Variants in TRHDE observed in about 807,000 individuals in gnomAD.
TRHDE encodes thyrotropin releasing hormone degrading enzyme, also known as thyrotropin-releasing hormone-degrading ectoenzyme.
In TRHDE, 72 loss-of-function variants were observed where a neutral mutation model predicts 125.7. The observed-to-expected ratio is 0.57, with a 90% CI of 0.47 to 0.70. TRHDE has a LOEUF of 0.70. Among genes scored for constraint, TRHDE ranks in the 30% least tolerant of loss-of-function variants. TRHDE has a pLI of 0.00. For synonymous variants in TRHDE, 509 were observed against 509.1 expected (o/e 1.00, Z 0.00); for missense variants, 1,110 against 1,327.1 (o/e 0.84, Z 2.54).
chr12:72,181,287 T>G (rs1035736260), intron 2 of TRHDE, among the ~76,000 whole-genome samples: 2 of 152,180 alleles, frequency 1.3e-5, no homozygotes, highest in Non-Finnish European at 2.9e-5. Flanking sequence ...AGCCCTATCA[T>G]TAGCATCAAC....
intron 2 of TRHDE, among the ~76,000 whole-genome samples, chr12:72,369,090 T>C (rs1234377822): frequency 6.6e-6 from 1 of 152,172 alleles, no homozygotes; most frequent in African/African-American, 2.4e-5. Context: ...TAGTATGTTT[T>C]TCCTTTCAAT....
At chr12:72,655,245 C>T (rs1489204541) in intron 17 of TRHDE, among the ~76,000 whole-genome samples, 1 of 151,878 alleles carries the variant, frequency 6.6e-6, no homozygotes, top group South Asian at 2.1e-4. Context: ...GCTAATTTTT[C>T]TATTTTTTGT....
At chr12:72,610,319 T>A (rs1028534224) in intron 12 of TRHDE, among the ~76,000 whole-genome samples, 1 of 152,242 alleles carries the variant, frequency 6.6e-6, no homozygotes, top group Non-Finnish European at 1.5e-5. Context: ...TCTGTTTTTA[T>A]GTCATTCATT....
At chr12:72,131,214 G>A (rs965293085) in intron 2 of TRHDE, among the ~76,000 whole-genome samples, 3 of 151,614 alleles carry the variant, frequency 2.0e-5, no homozygotes, top group African/African-American at 7.3e-5. Context: ...TGGGACTACA[G>A]GCGCCCGCCA....
chr12:72,360,113 G>C (rs1871001529), intron 2 of TRHDE, among the ~76,000 whole-genome samples: 1 of 151,742 alleles, frequency 6.6e-6, no homozygotes, highest in South Asian at 2.1e-4. Context: ...TGAATGGAAG[G>C]CCTGACTTTG....
rs1872578658 is a variant in TRHDE at position 72,610,064 on chromosome 12, T to C, written c.2322-8827T>C. Among the ~76,000 whole-genome samples the C allele has an allele frequency of 2.0e-5, 3 of 152,348 alleles. No homozygotes were observed. The South Asian group carries it at 6.2e-4, about 32-fold the overall frequency. Reference sequence around the variant, plus strand: ...AGTAGTCTGTATTTCAATTCTAGGCTAATTCTGCTAATTAACCCAAAGTGG... The same window carrying C: ...AGTAGTCTGTATTTCAATTCTAGGCCAATTCTGCTAATTAACCCAAAGTGG... On this transcript the variant is annotated intron_variant, in intron 12 of 18. Coordinates refer to ENST00000261180, the MANE Select transcript of TRHDE (RefSeq NM_013381.3).
intron 2 of TRHDE, among the ~76,000 whole-genome samples, chr12:72,182,798 G>A (rs918619509): frequency 1.3e-5 from 2 of 152,184 alleles, no homozygotes; most frequent in African/African-American, 4.8e-5. Context: ...TGTAGGAAGA[G>A]GGTAAAGAGA....
intron 15 of TRHDE, among the ~76,000 whole-genome samples, chr12:72,640,325 C>T (rs1156466625): frequency 2.6e-5 from 4 of 152,238 alleles, no homozygotes; most frequent in African/African-American, 7.2e-5. Flanking sequence ...TGACCCCCTG[C>T]GCTTCCCGAG....
At chr12:72,353,583 G>C (rs557532123) in intron 2 of TRHDE, among the ~76,000 whole-genome samples, 2 of 151,472 alleles carry the variant, frequency 1.3e-5, no homozygotes, top group East Asian at 3.9e-4. Flanking sequence ...ATGCACCTGG[G>C]ATCCAAACAA....
intron 6 of TRHDE, among the ~76,000 whole-genome samples, chr12:72,536,872 T>C (rs762736609): frequency 1.3e-5 from 2 of 152,122 alleles, no homozygotes; most frequent in Non-Finnish European, 2.9e-5. Flanking sequence ...AATTAGGTTT[T>C]CCTTCTTCCT....
chr12:72,551,741 C>T (rs185520171), intron 7 of TRHDE, among the ~76,000 whole-genome samples: 14 of 151,814 alleles, frequency 9.2e-5, no homozygotes, highest in Admixed American at 5.2e-4. Flanking sequence ...AGGGGACACA[C>T]GATAGATAGG....
At chr12:72,103,556 T>C (rs1163878373) in intron 1 of TRHDE, among the ~76,000 whole-genome samples, 1 of 152,114 alleles carries the variant, frequency 6.6e-6, no homozygotes, top group Non-Finnish European at 1.5e-5. Context: ...TTCTCTGTGG[T>C]TGCTCTTAGA....
chr12:72,102,536 A>G lies in TRHDE; in HGVS notation n.175-3112A>G, dbSNP rs137954744. ...ACCTTAACCCTAAATTTGGTTATTTATGGCATTAAGTTCCAATCTTATACT... is the reference window on the plus strand; with the variant it reads ...ACCTTAACCCTAAATTTGGTTATTTGTGGCATTAAGTTCCAATCTTATACT... On this transcript the variant is annotated intron_variant and non_coding_transcript_variant, in intron 1 of 4. Coordinates refer to the TRHDE transcript ENST00000548156. Among the ~76,000 whole-genome samples, 39 of 152,318 alleles carry G rather than the reference A, an allele frequency of 2.6e-4. 1 individual carries two copies. In the East Asian group the frequency reaches 7.5e-3, roughly 29 times the overall value.
chr12:72,347,158 G>A lies in TRHDE; in HGVS notation c.1189-30837G>A, dbSNP rs117426528. ...ATATTTCTAAATAAATTCACATTCT[G>A]GGGACTAGGACTTCAATGTTTAGGT... On this transcript the variant is annotated intron_variant, in intron 2 of 18. Transcript: ENST00000261180. 1.9e-4 allele frequency among the ~76,000 whole-genome samples: 29 copies of A among 152,112 alleles called. No homozygotes were observed. The East Asian group carries it at 5.6e-3, about 30-fold the overall frequency.
chr12:72,554,345 C>T (rs1416236324), intron 7 of TRHDE, among the ~76,000 whole-genome samples: 1 of 152,080 alleles, frequency 6.6e-6, no homozygotes, highest in Admixed American at 6.6e-5. Context: ...TCTGCATACC[C>T]TTATCAGGTA....
chr12:72,638,760 A>T (rs1433102355), intron 15 of TRHDE, among the ~76,000 whole-genome samples: 1 of 151,652 alleles, frequency 6.6e-6, no homozygotes, highest in Non-Finnish European at 1.5e-5. Context: ...TCCTTCACTT[A>T]TGAAGCTTAG....
At chr12:72,220,740 T>C (rs1877983913) in intron 2 of TRHDE, among the ~76,000 whole-genome samples, 1 of 152,128 alleles carries the variant, frequency 6.6e-6, no homozygotes, top group Non-Finnish European at 1.5e-5. Context: ...TTTTATACTA[T>C]AGTTATTTAT....
chr12:72,567,510 C>G (rs553023000), intron 9 of TRHDE, among the ~76,000 whole-genome samples: 1 of 151,948 alleles, frequency 6.6e-6, no homozygotes, highest in East Asian at 1.9e-4. Flanking sequence ...AAATTTCACA[C>G]GACAGAGTCA....
At chr12:72,479,541 G>C (rs1186753048) in intron 5 of TRHDE, among the ~76,000 whole-genome samples, 1 of 151,580 alleles carries the variant, frequency 6.6e-6, no homozygotes, top group Non-Finnish European at 1.5e-5. Flanking sequence ...CATCTGGAAG[G>C]TGTGTTAGTC....
Sources: gnomAD v4.1 joint callset for allele counts (sites outside exome capture counted in the v4.1 genomes callset) on GRCh38, gnomAD v4.1.1 for gene constraint, MANE v1.5 for transcripts, NCBI Gene and HGNC (gene_info 2026-07-23, HGNC 2026-07-21) for gene names.